Variants in MYL3 observed in about 807,000 individuals in gnomAD.
MYL3 encodes the protein myosin light chain 3.
MYL3 carries 11 observed loss-of-function variants against 21.3 expected under a neutral mutation model. The observed-to-expected ratio is 0.52, with a 90% CI of 0.32 to 0.85. The LOEUF (loss-of-function observed/expected upper bound fraction) is 0.85. Ranked by LOEUF, MYL3 falls within the 40% of genes least tolerant of loss-of-function variation. The pLI is 0.03. For missense variants in MYL3, 206 were observed against 253.3 expected (o/e 0.81, Z 1.27); for synonymous variants, 88 against 91.6 (o/e 0.96, Z 0.22).
rs774123719 is a variant in MYL3, at chr3:46,859,664, C to T, written c.308-16G>A. 6.3e-5 allele frequency: 102 copies of T among 1,614,100 alleles called. No individual in the cohort carries two copies. Among genetic ancestry groups the T allele is most frequent in the Non-Finnish European group, 8.6e-5 (102 of 1,179,974 alleles). On this transcript the variant is annotated splice_polypyrimidine_tract_variant and intron_variant, in intron 3 of 6. Coordinates refer to ENST00000292327, the MANE Select transcript of MYL3 (RefSeq NM_000258.3). This position sits in a 1 kb window ranked among gnomAD's most constrained non-coding sequence, Gnocchi z 4.1. The stretch of plus-strand genomic sequence containing the variant: ...GTATTGAGCTCTGCAGAGAAATGGT[C>T]CCAGGTTCCAGGGTCTAAGGCTGGG...
At chr3:46,873,566 G>C (rs1005619571) in intron 1 of MYL3, among the ~76,000 whole-genome samples, 2 of 152,228 alleles carry the variant, frequency 1.3e-5, no homozygotes, top group Non-Finnish European at 2.9e-5. Flanking sequence ...CTGAGTTTAA[G>C]GGCGGGGGTG....
In MYL3 at chr3:46,860,951, C is replaced by G. The variant is rs372045422; in HGVS notation, c.157+9G>C. 1.2e-6 allele frequency: 2 copies of G among 1,614,000 alleles called. No individual in the cohort carries two copies. The highest frequency in any genetic ancestry group is 2.7e-5 in the African/African-American group (2 of 74,882). On this transcript the variant is annotated intron_variant, in intron 2 of 6. Coordinates refer to ENST00000292327, the MANE Select transcript of MYL3 (RefSeq NM_000258.3). This position sits in a 1 kb window ranked among gnomAD's most constrained non-coding sequence, Gnocchi z 4.6. ...TCCTGCAACCCCTGGGTTCAAGACC[C>G]CTGCTCACCTTCAATCTGCTCAGGT...
At chr3:46,880,435 C>G (rs1281347677) in intron 1 of MYL3, 2 of 152,328 alleles carry the variant, frequency 1.3e-5, no homozygotes, top group Admixed American at 6.5e-5. Context: ...AGAAGGGAGG[C>G]AGCCATAGAA....
chr3:46,863,069 G>A lies in MYL3; in HGVS notation c.129+193C>T, dbSNP rs28763895. On this transcript the variant is annotated intron_variant, in intron 1 of 6. Coordinates refer to ENST00000292327, the MANE Select transcript of MYL3 (RefSeq NM_000258.3). ...CAGCACCAGAGGAGTCCTGCAGAAC[G>A]TCTGACCACCATCCCTCCTGCTGCA... 3.3e-5 allele frequency among the ~76,000 whole-genome samples: 5 copies of A among 152,318 alleles called. No individual in the cohort carries two copies. The South Asian group carries it at 6.2e-4, about 19-fold the overall frequency.
At chr3:46,870,076 A>T (rs1204799122) in intron 1 of MYL3, among the ~76,000 whole-genome samples, 1 of 151,990 alleles carries the variant, frequency 6.6e-6, no homozygotes, top group Non-Finnish European at 1.5e-5. Flanking sequence ...AACAGGGGGG[A>T]GAGAGGGTTG....
chr3:46,874,112 T>C lies in MYL3; in HGVS notation c.-217-7512A>G, dbSNP rs544786256. 3.3e-5 allele frequency among the ~76,000 whole-genome samples: 5 copies of C among 152,306 alleles called. No homozygotes were observed. Among genetic ancestry groups the C allele is most frequent in the East Asian group, 1.9e-4 (1 of 5,186 alleles). ...GAGCGGGGTGACCTCTGGCATGCCATTGCCCTTCTCTGGATGTCGCTTTCC... is the reference window on the plus strand; with the variant it reads ...GAGCGGGGTGACCTCTGGCATGCCACTGCCCTTCTCTGGATGTCGCTTTCC... On this transcript the variant is annotated intron_variant, in intron 1 of 3. Transcript: ENST00000431168. The surrounding 1 kb of genome is among the most constrained non-coding windows in gnomAD (Gnocchi z 4.1).
intron 1 of MYL3, among the ~76,000 whole-genome samples, chr3:46,868,755 T>A (rs1458006376): frequency 6.6e-6 from 1 of 152,234 alleles, no homozygotes; most frequent in Non-Finnish European, 1.5e-5. Flanking sequence ...CCCTGACTTC[T>A]CAGGGGCCTG....
chr3:46,877,488 C>T (rs368868010), intron 1 of MYL3, among the ~76,000 whole-genome samples: 7 of 152,234 alleles, frequency 4.6e-5, no homozygotes, highest in African/African-American at 1.2e-4. Flanking sequence ...GGCACACACA[C>T]GTGTCTGGCA....
At chr3:46,871,756 C>G (rs925305987) in intron 1 of MYL3, among the ~76,000 whole-genome samples, 9 of 152,246 alleles carry the variant, frequency 5.9e-5, no homozygotes, top group Non-Finnish European at 1.2e-4. Flanking sequence ...TCTGCAGCAT[C>G]TGGCCTTGGA....
At chr3:46,863,816 G>A (rs774441333), upstream of MYL3, among the ~76,000 whole-genome samples, 1 of 152,184 alleles carries the variant, frequency 6.6e-6, no homozygotes, top group Admixed American at 6.5e-5. Context: ...GCTACGTGTT[G>A]TGTTGGGGCC....
chr3:46,868,554 A>T (rs1702072012), intron 1 of MYL3, among the ~76,000 whole-genome samples: 1 of 152,124 alleles, frequency 6.6e-6, no homozygotes. Context: ...TGCCCCTCTG[A>T]TCCCGGCCCA....
At chr3:46,862,139 T>C (rs1396544920) in intron 1 of MYL3, among the ~76,000 whole-genome samples, 2 of 152,186 alleles carry the variant, frequency 1.3e-5, no homozygotes, top group East Asian at 3.9e-4. Context: ...GAAGGAAGTC[T>C]GTGCCAACCT....
upstream of MYL3, among the ~76,000 whole-genome samples, chr3:46,865,215 T>C (rs562800084): frequency 6.6e-6 from 1 of 152,248 alleles, no homozygotes; most frequent in South Asian, 2.1e-4. This position sits in a 1 kb window ranked among gnomAD's most constrained non-coding sequence, Gnocchi z 4.3. Flanking sequence ...GAACACGTTC[T>C]GCCTCTCATC....
At chr3:46,866,802 G>A (rs1180431860), upstream of MYL3, among the ~76,000 whole-genome samples, 2 of 152,170 alleles carry the variant, frequency 1.3e-5, no homozygotes, top group Non-Finnish European at 2.9e-5. Context: ...GCGGCCAGCA[G>A]CTGCCTCCAA....
intron 1 of MYL3, among the ~76,000 whole-genome samples, chr3:46,862,209 A>G (rs116627021): frequency 0.018 from 2,737 of 152,302 alleles, 45 homozygotes; most frequent in Non-Finnish European, 0.03. Context: ...CAGCCTCACC[A>G]TGAGGCCTGC....
chr3:46,871,687 G>A (rs1336042039), intron 1 of MYL3, among the ~76,000 whole-genome samples: 8 of 152,162 alleles, frequency 5.3e-5, no homozygotes, highest in African/African-American at 1.7e-4. Context: ...ACCAGCACAA[G>A]AACCCCCAAA....
chr3:46,862,141 T>C (rs1207146256), intron 1 of MYL3, among the ~76,000 whole-genome samples: 1 of 152,158 alleles, frequency 6.6e-6, no homozygotes, highest in Admixed American at 6.5e-5. Context: ...AGGAAGTCTG[T>C]GCCAACCTAA....
rs2030074656 is a variant in MYL3, at chr3:46,874,428, T to C, written c.-218+7646A>G. On this transcript the variant is annotated intron_variant, in intron 1 of 3. Coordinates refer to the MYL3 transcript ENST00000431168. The surrounding 1 kb of genome is among the most constrained non-coding windows in gnomAD (Gnocchi z 4.1). Reference sequence around the variant, plus strand: ...CTCCAGGCCTAACAGGGCAGGAGTGTCAGGACTAGGGGTTCTCCACTCGAG... The same window carrying C: ...CTCCAGGCCTAACAGGGCAGGAGTGCCAGGACTAGGGGTTCTCCACTCGAG... 1.3e-5 allele frequency among the ~76,000 whole-genome samples: 2 copies of C among 152,022 alleles called. No homozygotes were observed. Among genetic ancestry groups the C allele is most frequent in the Non-Finnish European group, 2.9e-5 (2 of 67,992 alleles).
At chr3:46,871,199 T>A (rs1485419212) in intron 1 of MYL3, among the ~76,000 whole-genome samples, 1 of 152,134 alleles carries the variant, frequency 6.6e-6, no homozygotes. Context: ...GGAGCAGGGC[T>A]GAAGGCAGCA....
Sources: gnomAD v4.1 joint callset for allele counts (sites outside exome capture counted in the v4.1 genomes callset) on GRCh38, gnomAD v4.1.1 for gene constraint, Gnocchi (gnomAD v3.1) non-coding constraint, MANE v1.5 for transcripts, NCBI Gene and HGNC (gene_info 2026-07-23, HGNC 2026-07-21) for gene names.